The following KCNH1 variants were observed in gnomAD, a reference collection of about 807,000 sequenced individuals.
KCNH1 encodes the protein potassium voltage-gated channel subfamily H member 1.
KCNH1 carries 27 observed loss-of-function variants against 69.2 expected under a neutral mutation model. That is an observed-to-expected ratio of 0.39 (90% CI 0.29 to 0.54). The LOEUF (loss-of-function observed/expected upper bound fraction) is 0.54, where lower values mean the gene tolerates loss of function less well. KCNH1 is among the 20% of genes least tolerant of loss of function. KCNH1 has a pLI of 0.68. For synonymous variants in KCNH1, 456 were observed against 487.7 expected (o/e 0.93, Z 0.86); for missense variants, 798 against 1,261.6 (o/e 0.63, Z 5.57).
chr1:210,860,524 A>C, intron 7 of KCNH1: 1 of 845,654 alleles, frequency 1.2e-6, no homozygotes, highest in South Asian at 1.3e-5. Flanking sequence ...GCTAAATGTC[A>C]TTGCCAACTG....
intron 7 of KCNH1, among the ~76,000 whole-genome samples, chr1:210,852,256 G>A (rs540764624): frequency 6.6e-6 from 1 of 152,150 alleles, no homozygotes; most frequent in South Asian, 2.1e-4. Flanking sequence ...AGGGAAGGAG[G>A]GGCTTGGCAT....
intron 6 of KCNH1, among the ~76,000 whole-genome samples, chr1:210,930,225 G>A: frequency 6.6e-6 from 1 of 152,100 alleles, no homozygotes; most frequent in East Asian, 1.9e-4. Context: ...CATAGCCAAA[G>A]CAAGACTAAG....
At chr1:210,992,275 G>C (rs1688951835) in intron 6 of KCNH1, among the ~76,000 whole-genome samples, 1 of 152,182 alleles carries the variant, frequency 6.6e-6, no homozygotes, top group African/African-American at 2.4e-5. Flanking sequence ...ACAGGCGATT[G>C]TTATTTTGTC....
chr1:210,867,584 T>G (rs1686142400), intron 7 of KCNH1, among the ~76,000 whole-genome samples: 1 of 152,060 alleles, frequency 6.6e-6, no homozygotes. Flanking sequence ...TAGTTTGATG[T>G]GTTTTCACAA....
At chr1:210,943,029 T>C (rs1342949912) in intron 6 of KCNH1, among the ~76,000 whole-genome samples, 1 of 152,152 alleles carries the variant, frequency 6.6e-6, no homozygotes, top group Non-Finnish European at 1.5e-5. Flanking sequence ...TGCCAAGCAG[T>C]CCTAACTCTT....
chr1:211,106,630 CA>C (rs370857373), intron 2 of KCNH1, among the ~76,000 whole-genome samples: 52 of 137,666 alleles, frequency 3.8e-4, no homozygotes, highest in East Asian at 6.5e-4. Context: ...ACTAAAAATA[CA>C]AAAAAAAAAA....
chr1:210,979,403 G>T (rs1688671856), intron 6 of KCNH1, among the ~76,000 whole-genome samples: 1 of 152,134 alleles, frequency 6.6e-6, no homozygotes, highest in Admixed American at 6.5e-5. Flanking sequence ...GCTTTTTTAG[G>T]AAGAGGATTT....
intron 10 of KCNH1, among the ~76,000 whole-genome samples, chr1:210,772,393 C>G (rs761451909): frequency 2.6e-5 from 4 of 152,118 alleles, no homozygotes; most frequent in Non-Finnish European, 5.9e-5. Context: ...AAAAAAATAG[C>G]TAGGAGAATA....
At chr1:210,828,192 G>T (rs992043934) in intron 7 of KCNH1, among the ~76,000 whole-genome samples, 1 of 152,090 alleles carries the variant, frequency 6.6e-6, no homozygotes, top group Non-Finnish European at 1.5e-5. Flanking sequence ...GTCTCAATGG[G>T]TTATTGGAAG....
rs1425440129 is a variant in KCNH1, at chr1:210,960,744, A to T, written c.1033-40675T>A. 3.3e-5 allele frequency among the ~76,000 whole-genome samples: 5 copies of T among 152,180 alleles called. No homozygotes were observed. The East Asian group carries it at 9.6e-4, about 29-fold the overall frequency. On this transcript the variant is annotated intron_variant, in intron 6 of 10. Coordinates refer to ENST00000271751, the MANE Select transcript of KCNH1 (RefSeq NM_172362.3). Reference sequence around the variant, plus strand: ...TGTGTACAAGTCTTTATATAGTCACATGCTATATTTCTCTTCAGTAAATAA... The same window carrying T: ...TGTGTACAAGTCTTTATATAGTCACTTGCTATATTTCTCTTCAGTAAATAA...
intron 10 of KCNH1, among the ~76,000 whole-genome samples, chr1:210,691,257 C>T (rs1240721960): frequency 3.3e-5 from 5 of 152,214 alleles, no homozygotes; most frequent in Non-Finnish European, 5.9e-5. Context: ...CACGCCAAGA[C>T]ACAAAGGCAG....
intron 7 of KCNH1, among the ~76,000 whole-genome samples, chr1:210,888,865 T>C (rs1686680133): frequency 1.3e-5 from 2 of 152,088 alleles, no homozygotes; most frequent in African/African-American, 2.4e-5. Flanking sequence ...AGAAGTCAAA[T>C]ACCTGAACAG....
intron 5 of KCNH1, among the ~76,000 whole-genome samples, chr1:211,025,323 C>A (rs537262882): frequency 6.6e-6 from 1 of 152,272 alleles, no homozygotes; most frequent in Non-Finnish European, 1.5e-5. Flanking sequence ...TTGACACCAG[C>A]CCTTAAAAGG....
intron 7 of KCNH1, chr1:210,861,434 G>A: frequency 2.6e-6 from 2 of 776,508 alleles, no homozygotes; most frequent in Non-Finnish European, 2.4e-6. Context: ...ATACTCCTAG[G>A]AAACACTGCC....
chr1:210,719,711 TAAAAA>T (rs763824649), intron 10 of KCNH1, among the ~76,000 whole-genome samples: 18 of 148,604 alleles, frequency 1.2e-4, no homozygotes, highest in African/African-American at 4.2e-4. Flanking sequence ...TAAAGTAAAA[TAAAAA>T]AAAAATAAGA....
At chr1:210,798,918 A>G (rs1684377231) in intron 8 of KCNH1, among the ~76,000 whole-genome samples, 1 of 152,230 alleles carries the variant, frequency 6.6e-6, no homozygotes, top group Non-Finnish European at 1.5e-5. Flanking sequence ...AGAATCATTC[A>G]TTCATTTAAT....
At chr1:210,859,204 A>G (rs1685920828) in intron 7 of KCNH1, 1 of 1,610,720 alleles carries the variant, frequency 6.2e-7, no homozygotes, top group African/African-American at 1.3e-5. Context: ...GGCCTCCAAA[A>G]TTGAAAGAAC....
At chr1:211,117,726 T>C (rs922028782) in intron 1 of KCNH1, among the ~76,000 whole-genome samples, 1 of 152,210 alleles carries the variant, frequency 6.6e-6, no homozygotes, top group African/African-American at 2.4e-5. Context: ...AGTCACAGTG[T>C]TGTCCCTAAT....
At chr1:210,959,369 G>C (rs1255646076) in intron 6 of KCNH1, among the ~76,000 whole-genome samples, 1 of 152,180 alleles carries the variant, frequency 6.6e-6, no homozygotes, top group Admixed American at 6.5e-5. Context: ...GGCCACATGG[G>C]GGCCAGGGAC....
Sources: gnomAD v4.1 joint callset for allele counts (sites outside exome capture counted in the v4.1 genomes callset) on GRCh38, gnomAD v4.1.1 for gene constraint, MANE v1.5 for transcripts, NCBI Gene and HGNC (gene_info 2026-07-23, HGNC 2026-07-21) for gene names.